The following PLXDC2 variants were observed in gnomAD, a reference collection of about 807,000 sequenced individuals.
The protein encoded by PLXDC2 is plexin domain-containing protein 2.
In PLXDC2, 40 loss-of-function variants were observed where a neutral mutation model predicts 68.9. The ratio of observed to expected loss-of-function variants is 0.58; its 90% CI spans 0.45 to 0.76. The LOEUF is 0.76. PLXDC2 is among the 30% of genes least tolerant of loss of function. The pLI, the probability that PLXDC2 is intolerant of heterozygous loss-of-function variation, is 0.00. For missense variants in PLXDC2, 644 were observed against 661.9 expected (o/e 0.97, Z 0.30); for synonymous variants, 243 against 234.2 (o/e 1.04, Z -0.34).
intron 2 of PLXDC2, among the ~76,000 whole-genome samples, chr10:20,015,390 G>A (rs932927001): frequency 1.3e-5 from 2 of 152,072 alleles, no homozygotes; most frequent in African/African-American, 4.8e-5. Flanking sequence ...GTGTATGTTT[G>A]TATGTATATG....
intron 1 of PLXDC2, among the ~76,000 whole-genome samples, chr10:19,864,926 A>G (rs1373758443): frequency 6.6e-6 from 1 of 152,178 alleles, no homozygotes; most frequent in Admixed American, 6.5e-5. Flanking sequence ...GAGAGTTGGA[A>G]AAGCCAGAGA....
At chr10:19,945,652 ATCCACAGAGGAC>A (rs1436658231) in intron 1 of PLXDC2, among the ~76,000 whole-genome samples, 4 of 152,158 alleles carry the variant, frequency 2.6e-5, no homozygotes, top group African/African-American at 9.7e-5. Context: ...GGCTCATCAG[ATCCACAGAGGAC>A]TCCACAGTGT....
intron 13 of PLXDC2, among the ~76,000 whole-genome samples, chr10:20,274,952 A>G (rs569307211): frequency 6.6e-6 from 1 of 152,180 alleles, no homozygotes; most frequent in East Asian, 1.9e-4. Context: ...TCCAAATTTT[A>G]TGGGTGTGTC....
At chr10:19,953,665 A>G (rs1374898868) in intron 1 of PLXDC2, among the ~76,000 whole-genome samples, 3 of 152,194 alleles carry the variant, frequency 2.0e-5, no homozygotes, top group Non-Finnish European at 4.4e-5. Flanking sequence ...AAGACATTTC[A>G]ACTTTCAATT....
intron 1 of PLXDC2, among the ~76,000 whole-genome samples, chr10:19,982,241 C>T (rs1175683775): frequency 1.3e-5 from 2 of 152,146 alleles, no homozygotes; most frequent in African/African-American, 4.8e-5. Context: ...GAGGAAGAAA[C>T]GACAACATGT....
intron 1 of PLXDC2, among the ~76,000 whole-genome samples, chr10:19,838,739 A>G (rs560170574): frequency 1.6e-4 from 24 of 152,238 alleles, no homozygotes; most frequent in Admixed American, 7.2e-4. Flanking sequence ...ATAAAGATAA[A>G]TAAGTGTGAT....
chr10:20,157,126 C>T (rs1589657252), intron 6 of PLXDC2, among the ~76,000 whole-genome samples: 1 of 152,178 alleles, frequency 6.6e-6, no homozygotes, highest in African/African-American at 2.4e-5. Context: ...CTGCTGATAA[C>T]ACTGAAGCCA....
At chr10:20,240,926 G>A (rs536062045) in intron 12 of PLXDC2, among the ~76,000 whole-genome samples, 1 of 152,090 alleles carries the variant, frequency 6.6e-6, no homozygotes, top group Non-Finnish European at 1.5e-5. Flanking sequence ...AACACATCAA[G>A]TCATGTCATA....
At chr10:20,035,699 T>A (rs2358661) in intron 2 of PLXDC2, among the ~76,000 whole-genome samples, 97,968 of 151,792 alleles carry the variant, frequency 0.65, 33,999 homozygotes, top group East Asian at 1. Flanking sequence ...CTGTCTAAAA[T>A]AAATAAATAA....
At chr10:20,199,768 T>C (rs1238463740) in intron 9 of PLXDC2, among the ~76,000 whole-genome samples, 1 of 151,766 alleles carries the variant, frequency 6.6e-6, no homozygotes, top group Non-Finnish European at 1.5e-5. Flanking sequence ...ATTATAAAAA[T>C]TTCAGAGAAG....
chr10:20,018,266 G>T (rs1390784542), intron 2 of PLXDC2, among the ~76,000 whole-genome samples: 1 of 152,154 alleles, frequency 6.6e-6, no homozygotes, highest in African/African-American at 2.4e-5. Context: ...GATTCCAGGA[G>T]ACACTTCACT....
chr10:19,928,827 T>C (rs1833582127), intron 1 of PLXDC2, among the ~76,000 whole-genome samples: 1 of 148,378 alleles, frequency 6.7e-6, no homozygotes, highest in Non-Finnish European at 1.5e-5. Context: ...CAATCTTGGC[T>C]CACTGTAACC....
intron 7 of PLXDC2, among the ~76,000 whole-genome samples, chr10:20,174,160 C>G (rs1464598385): frequency 4.1e-5 from 6 of 146,658 alleles, no homozygotes; most frequent in South Asian, 2.1e-4. Context: ...AGAACCCCCC[C>G]TCCTAGTGAT....
rs10508615 is a variant in PLXDC2 at position 20,173,143 on chromosome 10, G to A, written c.884-3856G>A. Among the ~76,000 whole-genome samples the A allele has an allele frequency of 7.9e-3, 1,195 of 152,170 alleles. 17 individuals carry two copies. The highest frequency in any genetic ancestry group is 0.028 in the African/African-American group (1,146 of 41,502). ...CTGGAAATGAATCTTGTGGTTATAC[G>A]ATACAGGCTATTTCCATTAAAGAGT... is the stretch of plus-strand genomic sequence containing the variant. On this transcript the variant is annotated intron_variant, in intron 7 of 13. Transcript: ENST00000377252.
chr10:19,913,308 C>T lies in PLXDC2; in HGVS notation c.113-88467C>T, dbSNP rs528343830. ...GGTGTGTAGCACCTCCCCTTTCTCT[C>T]TTTTCCTCCTGCTCTCCCTTTCCTT... On this transcript the variant is annotated intron_variant, in intron 1 of 13. Coordinates refer to ENST00000377252, the MANE Select transcript of PLXDC2 (RefSeq NM_032812.9). 4.6e-4 allele frequency among the ~76,000 whole-genome samples: 70 copies of T among 152,216 alleles called. No homozygotes were observed. In the South Asian group the frequency reaches 8.7e-3, roughly 19 times the overall value.
intron 1 of PLXDC2, among the ~76,000 whole-genome samples, chr10:19,861,009 ATTT>A (rs11348327): frequency 1.4e-5 from 2 of 143,576 alleles, no homozygotes; most frequent in African/African-American, 5.1e-5. Flanking sequence ...TTGCTGGGTG[ATTT>A]TTTTTTTTTT....
At chr10:20,152,809 T>A (rs564504275) in intron 6 of PLXDC2, among the ~76,000 whole-genome samples, 2 of 152,174 alleles carry the variant, frequency 1.3e-5, no homozygotes, top group African/African-American at 4.8e-5. Flanking sequence ...TTTCTTTGCA[T>A]GCTAGGTGAT....
intron 4 of PLXDC2, among the ~76,000 whole-genome samples, chr10:20,070,202 T>G (rs1412761965): frequency 2.0e-5 from 3 of 152,220 alleles, no homozygotes; most frequent in African/African-American, 7.2e-5. Flanking sequence ...GTTCGAGTCA[T>G]TAGTCCTTAA....
At chr10:20,133,871 C>T (rs544684853) in intron 4 of PLXDC2, among the ~76,000 whole-genome samples, 38 of 152,192 alleles carry the variant, frequency 2.5e-4, no homozygotes, top group South Asian at 1.2e-3. Context: ...TCTCATAATT[C>T]CTGTAGGCTT....
Sources: allele counts gnomAD v4.1 joint callset (sites outside exome capture counted in the v4.1 genomes callset), GRCh38; gene constraint gnomAD v4.1.1; transcripts MANE v1.5; gene names NCBI Gene and HGNC (gene_info 2026-07-23, HGNC 2026-07-21).